GTF2B: variants seen among roughly 807,000 people sequenced by gnomAD.
The protein encoded by GTF2B is general transcription factor IIB, also known as transcription initiation factor IIB.
GTF2B carries 20 observed loss-of-function variants against 34.6 expected under a neutral mutation model. That is an observed-to-expected ratio of 0.58 (90% CI 0.41 to 0.84). The LOEUF (loss-of-function observed/expected upper bound fraction) is 0.84, where lower values mean the gene tolerates loss of function less well. Among genes scored for constraint, GTF2B ranks in the 40% least tolerant of loss-of-function variants. The pLI, the probability that GTF2B is intolerant of heterozygous loss-of-function variation, is 0.00. For synonymous variants in GTF2B, 142 were observed against 132.4 expected (o/e 1.07, Z -0.50); for missense variants, 237 against 393.3 (o/e 0.60, Z 3.36).
rs564282905 is a variant in GTF2B at position 88,862,346 on chromosome 1, A to G, written c.258+1635T>C. Among the ~76,000 whole-genome samples, 15 of 152,256 alleles carry G rather than the reference A, an allele frequency of 9.9e-5. No homozygotes were observed. The South Asian group carries it at 2.9e-3, about 30-fold the overall frequency. Reference sequence around the variant, plus strand: ...TCACTTGAGCCCAAGAATTGGGACAAGCCTGGGCAACATGGCGAAACTTTG... The same window carrying G: ...TCACTTGAGCCCAAGAATTGGGACAGGCCTGGGCAACATGGCGAAACTTTG... On this transcript the variant is annotated intron_variant, in intron 3 of 6. Transcript: ENST00000370500.
intron 1 of GTF2B, 86 bp downstream of exon 1, chr1:88,891,397 C>G: frequency 9.9e-7 from 1 of 1,015,226 alleles, no homozygotes; most frequent in South Asian, 1.4e-5. Context: ...GGCGCTCAGC[C>G]CTACGAGGCT....
At chr1:88,869,669 C>T (rs1449553442) in intron 2 of GTF2B, among the ~76,000 whole-genome samples, 4 of 152,022 alleles carry the variant, frequency 2.6e-5, no homozygotes, top group African/African-American at 9.7e-5. Context: ...ACTCTTTTGC[C>T]CAGGCTAGTG....
At chr1:88,867,744 GATTC>G (rs1673593181) in intron 2 of GTF2B, among the ~76,000 whole-genome samples, 1 of 152,156 alleles carries the variant, frequency 6.6e-6, no homozygotes, top group African/African-American at 2.4e-5. Flanking sequence ...CTTACCATGA[GATTC>G]ATTTGCTGCC....
intron 2 of GTF2B, among the ~76,000 whole-genome samples, chr1:88,880,826 T>C (rs770795849): frequency 1.4e-4 from 21 of 151,988 alleles, no homozygotes; most frequent in Non-Finnish European, 2.4e-4. Context: ...CCGGCCAACA[T>C]GGGGAAACCC....
At chr1:88,863,334 AAG>A (rs1337529218) in intron 3 of GTF2B, among the ~76,000 whole-genome samples, 1 of 151,532 alleles carries the variant, frequency 6.6e-6, no homozygotes, top group African/African-American at 2.4e-5. Context: ...ATAGAGAGAA[AAG>A]AGAAGACATT....
Position 88,852,925 on chromosome 1 carries a change from C to T in GTF2B, c.*288G>A. On this transcript the variant is annotated 3_prime_UTR_variant, in exon 7 of 7. Coordinates refer to ENST00000370500, the MANE Select transcript of GTF2B (RefSeq NM_001514.6). The stretch of plus-strand genomic sequence containing the variant: ...ATCATAAGTTACATGTAACATATAA[C>T]AAAAACTTGAGTTTTGAAAAATGTT... 1 of 326,254 alleles carries T rather than the reference C, an allele frequency of 3.1e-6. No homozygotes were observed. Among genetic ancestry groups the T allele is most frequent in the Non-Finnish European group, 5.7e-6 (1 of 175,190 alleles). The allele number at this position is 326,254 out of a possible 1,614,324, so 20.2% of individuals were successfully genotyped here. A position where few individuals can be genotyped will look rare whatever the true frequency, so the allele number is the denominator to read the frequency against.
chr1:88,860,712 C>CA (rs912900277), intron 3 of GTF2B, among the ~76,000 whole-genome samples: 47 of 152,166 alleles, frequency 3.1e-4, no homozygotes, highest in African/African-American at 1.1e-3. Flanking sequence ...TGATCATCTC[C>CA]AAAGACGCTA....
chr1:88,863,046 C>T (rs759694644), intron 3 of GTF2B, among the ~76,000 whole-genome samples: 7 of 151,722 alleles, frequency 4.6e-5, no homozygotes, highest in African/African-American at 1.7e-4. Context: ...TCAGTAATAC[C>T]GTCACTATTA....
rs773803366 is a variant in GTF2B at position 88,888,413 on chromosome 1, G to A, written c.18-1046C>T. 3.3e-4 allele frequency among the ~76,000 whole-genome samples: 50 copies of A among 152,086 alleles called. 1 individual carries two copies. The highest frequency in any genetic ancestry group is 4.3e-4 in the Non-Finnish European group (29 of 68,020). Reference sequence around the variant, plus strand: ...AATATGTCTTGAATCTTCTCATTGGGAACACGGGGGGATGAGTATTACTTC... The same window carrying A: ...AATATGTCTTGAATCTTCTCATTGGAAACACGGGGGGATGAGTATTACTTC... On this transcript the variant is annotated intron_variant, in intron 1 of 6. Coordinates refer to ENST00000370500, the MANE Select transcript of GTF2B (RefSeq NM_001514.6).
At chr1:88,876,482 G>T (rs1299181220) in intron 2 of GTF2B, among the ~76,000 whole-genome samples, 1 of 152,110 alleles carries the variant, frequency 6.6e-6, no homozygotes, top group Admixed American at 6.5e-5. Context: ...GATCAGCCTG[G>T]GCAACACAGG....
Position 88,860,174 on chromosome 1 carries a change from ATGGTAGTGAT to A in GTF2B, c.361_370del (p.Ile121TrpfsTer11). 1 of 1,614,066 alleles carries A rather than the reference ATGGTAGTGAT, an allele frequency of 6.2e-7. No individual in the cohort carries two copies. The highest frequency in any genetic ancestry group is 8.5e-7 in the Non-Finnish European group (1 of 1,179,908). On this transcript the variant is annotated frameshift_variant, in exon 4 of 7. Transcript: ENST00000370500. LOFTEE classifies it high-confidence loss of function. ...TCGAGGTAGATTGATTCTGTCTGCC[ATGGTAGTGAT>A]TTCTTTGAATGCATTCATCATTGCC...
chr1:88,853,658 G>C (rs1673239319), intron 6 of GTF2B, among the ~76,000 whole-genome samples: 1 of 152,018 alleles, frequency 6.6e-6, no homozygotes, highest in Admixed American at 6.6e-5. Flanking sequence ...CAAAAAATTA[G>C]CCAGGCGTGG....
In GTF2B at chr1:88,865,712, G is replaced by A. The variant is rs1386230253; in HGVS notation, c.125-1598C>T. Among the ~76,000 whole-genome samples the A allele has an allele frequency of 3.9e-5, 6 of 151,938 alleles. No individual in the cohort carries two copies. The East Asian group carries it at 5.8e-4, about 15-fold the overall frequency. ...TACTAAAAATACAAAATAGCTGGGC[G>A]TGGTGGCACATGCCTGTAATCCCAG... is the stretch of plus-strand genomic sequence containing the variant. On this transcript the variant is annotated intron_variant, in intron 2 of 6. Coordinates refer to ENST00000370500, the MANE Select transcript of GTF2B (RefSeq NM_001514.6).
rs537366934 is a variant in GTF2B, at chr1:88,881,169, TAAAAAAAAAAA to T, written c.124+6081_124+6091del. On this transcript the variant is annotated intron_variant, in intron 2 of 6. Coordinates refer to ENST00000370500, the MANE Select transcript of GTF2B (RefSeq NM_001514.6). ...AATAAATACATGCTAGGTATGTATTTAAAAAAAAAAAAAAAAAAAAGATACATACTTACCTC... is the reference window on the plus strand; with the variant it reads ...AATAAATACATGCTAGGTATGTATTTAAAAAAAAAGATACATACTTACCTC... Among the ~76,000 whole-genome samples the T allele has an allele frequency of 3.2e-5, 4 of 125,348 alleles. No homozygotes were observed. In the South Asian group the frequency reaches 1.0e-3, roughly 32 times the overall value. The allele number at this position is 125,348 out of a possible 152,430, so 82.2% of individuals were successfully genotyped here.
intron 2 of GTF2B, among the ~76,000 whole-genome samples, chr1:88,875,691 A>G (rs1003746202): frequency 5.9e-5 from 9 of 152,180 alleles, no homozygotes; most frequent in African/African-American, 2.2e-4. Context: ...TCAGGATGTC[A>G]CCATACTCGG....
chr1:88,866,412 T>TCTTTTC (rs1557655590), intron 2 of GTF2B, among the ~76,000 whole-genome samples: 2 of 152,166 alleles, frequency 1.3e-5, no homozygotes, highest in African/African-American at 4.8e-5. Flanking sequence ...TTTTCTTTTT[T>TCTTTTC]CTTTTCCTTT....
intron 3 of GTF2B, among the ~76,000 whole-genome samples, chr1:88,862,523 C>G (rs530021262): frequency 6.6e-6 from 1 of 152,086 alleles, no homozygotes. Flanking sequence ...CCCACCTTAG[C>G]GACAGTGTTA....
intron 2 of GTF2B, among the ~76,000 whole-genome samples, chr1:88,883,795 G>C (rs1255122862): frequency 6.6e-6 from 1 of 152,148 alleles, no homozygotes; most frequent in East Asian, 1.9e-4. Context: ...GATGAATAAT[G>C]TAATAGGCTT....
chr1:88,853,433 T>C, intron 6 of GTF2B, 87 bp from the exon 7 acceptor site: 2 of 1,193,468 alleles, frequency 1.7e-6, no homozygotes, highest in Non-Finnish European at 2.4e-6. Flanking sequence ...GATATGATAG[T>C]ATAAAGTGCC....
Sources: allele counts gnomAD v4.1 joint callset (sites outside exome capture counted in the v4.1 genomes callset), GRCh38; gene constraint gnomAD v4.1.1; transcripts MANE v1.5; gene names NCBI Gene and HGNC (gene_info 2026-07-23, HGNC 2026-07-21).